The following IGFL4 variants were observed in gnomAD, a reference collection of about 807,000 sequenced individuals.
IGFL4 encodes insulin growth factor-like family member 4.
A neutral mutation model predicts 15.4 loss-of-function variants in IGFL4; 12 were observed. That is an observed-to-expected ratio of 0.78 (90% confidence interval 0.50 to 1.26). The LOEUF (loss-of-function observed/expected upper bound fraction) is 1.26. Ranked by LOEUF, IGFL4 falls within the 50% of genes most tolerant of loss-of-function variation. The pLI, the probability that IGFL4 is intolerant of heterozygous loss-of-function variation, is 0.00. For synonymous variants in IGFL4, 54 were observed against 55.9 expected (o/e 0.97, Z 0.16); for missense variants, 126 against 147.8 (o/e 0.85, Z 0.76).
chr19:46,064,606 T>G (rs1050720847), intron 1 of IGFL4, among the ~76,000 whole-genome samples: 19 of 152,310 alleles, frequency 1.2e-4, no homozygotes, highest in African/African-American at 4.3e-4. Flanking sequence ...CTTATTTCAC[T>G]TGGTATGACC....
Position 46,040,079 on chromosome 19 carries a change from A to T in IGFL4, c.330+78T>A, listed in dbSNP as rs190777062. Reference sequence around the variant, plus strand: ...GTATGGAACCCAGCAGAGACTGCACATCTGGGTGGGACATGGACAACCAAG... The same window carrying T: ...GTATGGAACCCAGCAGAGACTGCACTTCTGGGTGGGACATGGACAACCAAG... On this transcript the variant is annotated intron_variant, in intron 3 of 3. Coordinates refer to ENST00000377697, the MANE Select transcript of IGFL4 (RefSeq NM_001002923.3). This position sits in a 1 kb window ranked among gnomAD's most constrained non-coding sequence, Gnocchi z 4.1. 1.1e-4 allele frequency: 166 copies of T among 1,564,754 alleles called. No individual in the cohort carries two copies. In the Middle Eastern group the frequency reaches 1.4e-3, roughly 13 times the overall value.
chr19:46,052,606 C>T (rs1969355341), intron 2 of IGFL4, among the ~76,000 whole-genome samples: 1 of 151,940 alleles, frequency 6.6e-6, no homozygotes, highest in South Asian at 2.1e-4. Flanking sequence ...CCTGTAATCC[C>T]AGCTACTCGG....
At chr19:46,041,049 T>TA (rs138465035), upstream of IGFL4, 16,721 of 1,259,952 alleles carry the variant, frequency 0.013, 165 homozygotes, top group South Asian at 0.025. Context: ...GATATGAACT[T>TA]ACCGCCATTT....
At chr19:46,041,155 T>G, upstream of IGFL4, 1 of 571,010 alleles carries the variant, frequency 1.8e-6, no homozygotes, top group South Asian at 2.5e-5. Context: ...ATGAGATGCT[T>G]CTGGACCTGT....
intron 2 of IGFL4, among the ~76,000 whole-genome samples, chr19:46,046,424 T>C (rs1239078295): frequency 6.6e-6 from 1 of 152,128 alleles, no homozygotes; most frequent in East Asian, 1.9e-4. Flanking sequence ...ACCTTAAATG[T>C]AAGTGGGCTA....
intron 2 of IGFL4, among the ~76,000 whole-genome samples, chr19:46,048,160 A>G (rs924530749): frequency 1.3e-5 from 2 of 152,214 alleles, no homozygotes; most frequent in African/African-American, 4.8e-5. Context: ...AGAACTAAAA[A>G]CAAAACACAC....
intron 2 of IGFL4, among the ~76,000 whole-genome samples, chr19:46,048,004 A>G (rs1002541635): frequency 4.6e-5 from 7 of 152,238 alleles, no homozygotes; most frequent in South Asian, 2.1e-4. Context: ...ATGAACATCA[A>G]TGCAAAAAAC....
chr19:46,064,155 A>C (rs1243812789), intron 1 of IGFL4, among the ~76,000 whole-genome samples: 3 of 59,540 alleles, frequency 5.0e-5, no homozygotes. Context: ...AAAAGCCAAA[A>C]TATTTATTCT....
intron 2 of IGFL4, among the ~76,000 whole-genome samples, chr19:46,050,211 A>T (rs1294883141): frequency 6.6e-6 from 1 of 152,188 alleles, no homozygotes; most frequent in African/African-American, 2.4e-5. Context: ...GTCTGCCCAA[A>T]CGAGAAAGGA....
chr19:46,070,771 G>A (rs1326630315), intron 1 of IGFL4, among the ~76,000 whole-genome samples: 1 of 152,160 alleles, frequency 6.6e-6, no homozygotes, highest in Admixed American at 6.5e-5. Flanking sequence ...GGAGCCAGAA[G>A]TACCTACTTC....
chr19:46,069,286 C>T (rs73046103), intron 1 of IGFL4, among the ~76,000 whole-genome samples: 5,769 of 152,242 alleles, frequency 0.038, 173 homozygotes, highest in African/African-American at 0.073. Context: ...TCTGTCTCTT[C>T]CTACCCTCTG....
rs764403363 is a variant in IGFL4 at position 46,040,468 on chromosome 19, C to T, written c.70+50G>A. The T allele has an allele frequency of 1.2e-6, 2 of 1,613,752 alleles. No homozygotes were observed. The highest frequency in any genetic ancestry group is 1.7e-5 in the Admixed American group (1 of 59,998). ...GCAAGGACCAGCCTAGGACCACCTCCCCACCAACCTTAATGCTGTTCTCTC... is the reference window on the plus strand; with the variant it reads ...GCAAGGACCAGCCTAGGACCACCTCTCCACCAACCTTAATGCTGTTCTCTC... On this transcript the variant is annotated intron_variant, in intron 2 of 3. Transcript: ENST00000377697. The surrounding 1 kb of genome is among the most constrained non-coding windows in gnomAD (Gnocchi z 4.1).
upstream of IGFL4, among the ~76,000 whole-genome samples, chr19:46,045,487 G>A (rs1014490093): frequency 3.3e-5 from 5 of 150,962 alleles, no homozygotes; most frequent in African/African-American, 4.9e-5. Context: ...ACTTCACTGA[G>A]CTAAAGGAGG....
At chr19:46,072,457 G>C (rs766895343) in intron 1 of IGFL4, among the ~76,000 whole-genome samples, 1 of 152,184 alleles carries the variant, frequency 6.6e-6, no homozygotes, top group Non-Finnish European at 1.5e-5. Flanking sequence ...TAGCAGAGAG[G>C]TAAGTCTTAA....
chr19:46,042,821 G>A (rs1249224040), upstream of IGFL4, among the ~76,000 whole-genome samples: 2 of 152,152 alleles, frequency 1.3e-5, no homozygotes, highest in African/African-American at 2.4e-5. Context: ...TCCCTCCCTA[G>A]AAGCCAGAGG....
chr19:46,052,858 G>C (rs1600672581), intron 2 of IGFL4, among the ~76,000 whole-genome samples: 2 of 128,632 alleles, frequency 1.6e-5, no homozygotes, highest in South Asian at 5.2e-4. Context: ...GTATTTATAT[G>C]TTATCTCGTT....
chr19:46,066,448 C>T (rs1600678002), intron 1 of IGFL4, among the ~76,000 whole-genome samples: 1 of 152,168 alleles, frequency 6.6e-6, no homozygotes, highest in East Asian at 1.9e-4. Flanking sequence ...CAAAGAAGTA[C>T]CAATACTTCT....
In IGFL4 at chr19:46,039,710, T is replaced by C. The variant is rs1165710424; in HGVS notation, c.*182A>G. ...TCTCTGTTTGTCTGTTGTTGGTGTA[T>C]AAGAATGCTTGTGATTTTTGTACAT... On this transcript the variant is annotated 3_prime_UTR_variant, in exon 4 of 4. Transcript: ENST00000377697. The C allele has an allele frequency of 2.0e-5, 11 of 544,206 alleles. No homozygotes were observed. Among genetic ancestry groups the C allele is most frequent in the Non-Finnish European group, 3.8e-5 (11 of 292,582 alleles). 33.7% of individuals were successfully genotyped at this position (544,206 alleles called of 1,614,324 possible). A position where few individuals can be genotyped will look rare whatever the true frequency, so the allele number is the denominator to read the frequency against.
rs144962270 is a variant in IGFL4, at chr19:46,066,740, T to G, written c.-431-6447A>C. Among the ~76,000 whole-genome samples the G allele has an allele frequency of 5.8e-3, 888 of 152,252 alleles. 6 individuals are homozygous for G. The highest frequency in any genetic ancestry group is 0.01 in the Middle Eastern group (3 of 294). On this transcript the variant is annotated intron_variant, in intron 1 of 5. Transcript: ENST00000601672. ...CAGATCTTGCAAGAACCCACTATTG[T>G]GAGGACAGCACCAAGCTATGAGGGA...
Sources: gnomAD v4.1 joint callset for allele counts (sites outside exome capture counted in the v4.1 genomes callset) on GRCh38, gnomAD v4.1.1 for gene constraint, Gnocchi (gnomAD v3.1) non-coding constraint, MANE v1.5 for transcripts, NCBI Gene and HGNC (gene_info 2026-07-23, HGNC 2026-07-21) for gene names.